Variants in NAALADL2 observed in about 807,000 individuals in gnomAD.
NAALADL2 encodes the protein N-acetylated alpha-linked acidic dipeptidase like 2.
In NAALADL2, 76 loss-of-function variants were observed where a neutral mutation model predicts 87.2. The observed-to-expected ratio is 0.87, with a 90% CI of 0.72 to 1.05. NAALADL2 has a LOEUF of 1.05. Among genes scored for constraint, NAALADL2 ranks in the 50% least tolerant of loss-of-function variants. The pLI, the probability that NAALADL2 is intolerant of heterozygous loss-of-function variation, is 0.00. For missense variants in NAALADL2, 1,089 were observed against 945.8 expected (o/e 1.15, Z -1.99); for synonymous variants, 354 against 331.0 (o/e 1.07, Z -0.75).
intron 5 of NAALADL2, among the ~76,000 whole-genome samples, chr3:175,348,414 G>C (rs6807589): frequency 1.3e-5 from 2 of 151,968 alleles, no homozygotes; most frequent in African/African-American, 4.8e-5. Flanking sequence ...TTGTGTATTA[G>C]TTTTCTAGGG....
chr3:175,102,906 G>A (rs139645834), intron 2 of NAALADL2, among the ~76,000 whole-genome samples: 2,037 of 152,134 alleles, frequency 0.013, 18 homozygotes, highest in Middle Eastern at 0.024. Context: ...TCAAGAGATT[G>A]AGACCATCCT....
chr3:174,951,428 G>A (rs1288382824), intron 1 of NAALADL2, among the ~76,000 whole-genome samples: 2 of 152,040 alleles, frequency 1.3e-5, no homozygotes, highest in Non-Finnish European at 2.9e-5. Flanking sequence ...ATCAAAAAAA[G>A]AGAAAATAGG....
chr3:175,137,913 C>T (rs1350992604), intron 2 of NAALADL2, among the ~76,000 whole-genome samples: 1 of 152,094 alleles, frequency 6.6e-6, no homozygotes, highest in African/African-American at 2.4e-5. Context: ...CTTGAGCCAC[C>T]ACACCAGTCC....
At chr3:175,520,168 C>G (rs1308546377) in intron 9 of NAALADL2, among the ~76,000 whole-genome samples, 1 of 151,914 alleles carries the variant, frequency 6.6e-6, no homozygotes, top group African/African-American at 2.4e-5. Flanking sequence ...AATAGGCTAA[C>G]TTTACCTTAA....
At chr3:174,941,064 T>C (rs1738504897) in intron 1 of NAALADL2, among the ~76,000 whole-genome samples, 1 of 152,100 alleles carries the variant, frequency 6.6e-6, no homozygotes, top group Admixed American at 6.6e-5. Flanking sequence ...TGGTTTGTTT[T>C]GCTTCTGTAA....
At chr3:175,472,422 GA>G in intron 9 of NAALADL2, among the ~76,000 whole-genome samples, 1 of 151,968 alleles carries the variant, frequency 6.6e-6, no homozygotes, top group Non-Finnish European at 1.5e-5. Context: ...TTCTTATTAT[GA>G]ATTTCACTAC....
At chr3:175,266,107 T>G (rs1472728921) in intron 4 of NAALADL2, among the ~76,000 whole-genome samples, 1 of 150,744 alleles carries the variant, frequency 6.6e-6, no homozygotes, top group African/African-American at 2.4e-5. Context: ...AAAATTTCAT[T>G]AAGTCTATGT....
intron 5 of NAALADL2, among the ~76,000 whole-genome samples, chr3:175,371,203 G>A (rs1411000481): frequency 1.3e-5 from 2 of 151,890 alleles, no homozygotes; most frequent in Non-Finnish European, 2.9e-5. Context: ...CATTGGTAAT[G>A]CTTTGAAAAA....
At chr3:175,385,841 G>C (rs1392139849) in intron 5 of NAALADL2, among the ~76,000 whole-genome samples, 1 of 151,984 alleles carries the variant, frequency 6.6e-6, no homozygotes, top group Non-Finnish European at 1.5e-5. Context: ...ACATGCATGG[G>C]GGCATCACAT....
At chr3:175,334,516 T>C (rs1292426795) in intron 5 of NAALADL2, among the ~76,000 whole-genome samples, 1 of 152,192 alleles carries the variant, frequency 6.6e-6, no homozygotes, top group African/African-American at 2.4e-5. Context: ...TTATTTATGG[T>C]TTGTCTATTC....
At chr3:175,722,700 G>A (rs949476907) in intron 11 of NAALADL2, among the ~76,000 whole-genome samples, 15 of 151,990 alleles carry the variant, frequency 9.9e-5, no homozygotes, top group African/African-American at 3.4e-4. Context: ...ATCATTACCA[G>A]TAATGCATAA....
At chr3:174,819,715 A>T (rs1027149799) in intron 3 of NAALADL2, among the ~76,000 whole-genome samples, 2 of 152,206 alleles carry the variant, frequency 1.3e-5, no homozygotes, top group African/African-American at 2.4e-5. Flanking sequence ...GAAGGTATAT[A>T]GCCTCATGTT....
intron 5 of NAALADL2, among the ~76,000 whole-genome samples, chr3:175,401,121 A>G (rs1367950341): frequency 6.6e-6 from 1 of 152,106 alleles, no homozygotes; most frequent in Non-Finnish European, 1.5e-5. Flanking sequence ...AGGTACATAG[A>G]AGTTATTGAT....
chr3:175,732,262 T>C (rs1329885511), intron 11 of NAALADL2, among the ~76,000 whole-genome samples: 2 of 152,126 alleles, frequency 1.3e-5, no homozygotes, highest in East Asian at 1.9e-4. Flanking sequence ...TTCATGTGCA[T>C]GATGGGGGGG....
chr3:175,503,991 C>A (rs189797387), intron 9 of NAALADL2, among the ~76,000 whole-genome samples: 1 of 152,162 alleles, frequency 6.6e-6, no homozygotes, highest in South Asian at 2.1e-4. Context: ...GTCTTCGTCA[C>A]GAAATTTTTG....
intron 2 of NAALADL2, among the ~76,000 whole-genome samples, chr3:174,697,087 G>C (rs1227919582): frequency 4.0e-5 from 6 of 150,176 alleles, no homozygotes; most frequent in Non-Finnish European, 8.9e-5. Flanking sequence ...GAACAAACTT[G>C]GAAAATAGTT....
intron 9 of NAALADL2, among the ~76,000 whole-genome samples, chr3:175,519,156 A>G (rs1322186552): frequency 6.6e-6 from 1 of 152,190 alleles, no homozygotes; most frequent in Admixed American, 6.5e-5. Context: ...CTTATAACCT[A>G]CAGACAAACC....
At chr3:175,674,247 G>GTTTTTTTTTTTTTTTTTTTTTTTTT (rs201365082) in intron 11 of NAALADL2, among the ~76,000 whole-genome samples, 1 of 139,930 alleles carries the variant, frequency 7.1e-6, no homozygotes, top group African/African-American at 2.7e-5. Context: ...AACTGATAGT[G>GTTTTTTTTTTTTTTTTTTTTTTTTT]TTTTTTTTTT....
rs755378782 is a variant in NAALADL2 at position 175,804,095 on chromosome 3, G to A, written c.*892G>A. Reference sequence around the variant, plus strand: ...TTCTGAAACTCCTTGCTGTAAGGCAGCTTTCTCAGAGTACTATATATTTTC... The same window carrying A: ...TTCTGAAACTCCTTGCTGTAAGGCAACTTTCTCAGAGTACTATATATTTTC... On this transcript the variant is annotated 3_prime_UTR_variant, in exon 14 of 14. Coordinates refer to ENST00000454872, the MANE Select transcript of NAALADL2 (RefSeq NM_207015.3). 1 of 151,870 alleles carries A rather than the reference G, an allele frequency of 6.6e-6. No individual in the cohort carries two copies. The highest frequency in any genetic ancestry group is 1.5e-5 in the Non-Finnish European group (1 of 67,842). The allele number at this position is 151,870 out of a possible 1,614,324, so 9.4% of individuals were successfully genotyped here.
Sources: allele counts gnomAD v4.1 joint callset (sites outside exome capture counted in the v4.1 genomes callset), GRCh38; gene constraint gnomAD v4.1.1; transcripts MANE v1.5; gene names NCBI Gene and HGNC (gene_info 2026-07-23, HGNC 2026-07-21).